The following FAT3 variants were observed in gnomAD, a reference collection of about 807,000 sequenced individuals.
FAT3 encodes the protein FAT atypical cadherin 3, also known as protocadherin Fat 3.
FAT3 carries 95 observed loss-of-function variants against 310.2 expected under a neutral mutation model. The observed-to-expected ratio is 0.31, with a 90% CI of 0.26 to 0.36. The LOEUF is 0.36. FAT3 is among the 10% of genes least tolerant of loss of function. FAT3 has a pLI of 1.00. For synonymous variants in FAT3, 2,314 were observed against 2,192.9 expected, an observed-to-expected ratio of 1.06 and a Z score of -1.54; for missense variants, 5,408 against 5,715.6, an observed-to-expected ratio of 0.95 and a Z score of 1.74.
At chr11:92,885,623 G>C (rs898985520) in intron 24 of FAT3, among the ~76,000 whole-genome samples, 5 of 152,100 alleles carry the variant, frequency 3.3e-5, no homozygotes, top group Non-Finnish European at 7.4e-5. Flanking sequence ...TGTTGAGTTA[G>C]ACTCCACTAT....
chr11:92,695,481 G>A (rs941891842), intron 3 of FAT3, among the ~76,000 whole-genome samples: 1 of 151,976 alleles, frequency 6.6e-6, no homozygotes, highest in Admixed American at 6.6e-5. Context: ...CATTCACACA[G>A]AGGAACTCTG....
At chr11:92,582,152 G>A (rs191261378) in intron 3 of FAT3, among the ~76,000 whole-genome samples, 240 of 151,982 alleles carry the variant, frequency 1.6e-3, no homozygotes, top group African/African-American at 5.1e-3. Flanking sequence ...AGGACAACTA[G>A]AGGTCACTCT....
At chr11:92,383,565 T>C (rs905028389) in intron 2 of FAT3, among the ~76,000 whole-genome samples, 3 of 152,236 alleles carry the variant, frequency 2.0e-5, no homozygotes, top group Non-Finnish European at 4.4e-5. Context: ...AGGAAAAATG[T>C]TGATGGATAC....
Position 92,381,501 on chromosome 11 carries a change from G to A in FAT3, c.3292+26097G>A, listed in dbSNP as rs1366977166. 2.0e-5 allele frequency among the ~76,000 whole-genome samples: 3 copies of A among 152,256 alleles called. No individual in the cohort carries two copies. The South Asian group carries it at 6.2e-4, about 32-fold the overall frequency. ...GCACTCTAGCCTGGGTGACAAGAGT[G>A]AAATCTTTTTTCACCACTTTTTTTT... On this transcript the variant is annotated intron_variant, in intron 2 of 27. Coordinates refer to ENST00000525166, the MANE Select transcript of FAT3 (RefSeq NM_001367949.2).
chr11:92,338,953 T>G lies in FAT3; in HGVS notation c.-17-13143T>G, dbSNP rs544828420. On this transcript the variant is annotated intron_variant, in intron 1 of 27. Transcript: ENST00000525166. ...GTGGAAGGGAACCCAGTTTCTAACC[T>G]CAGCCATGCAGAGCTGACCTTGCAT... 1.3e-5 allele frequency among the ~76,000 whole-genome samples: 2 copies of G among 152,234 alleles called. 1 individual carries two copies. The highest frequency in any genetic ancestry group is 4.2e-4 in the South Asian group (2 of 4,810).
chr11:92,782,016 T>A (rs1001328251), intron 7 of FAT3, among the ~76,000 whole-genome samples: 1 of 152,140 alleles, frequency 6.6e-6, no homozygotes, highest in South Asian at 2.1e-4. Context: ...TTTAGACTTA[T>A]AAGGATAGGA....
rs140038450 is a variant in FAT3, at chr11:92,858,465, T to C, written c.11501-700T>C. 2.0e-5 allele frequency among the ~76,000 whole-genome samples: 3 copies of C among 152,310 alleles called. No individual in the cohort carries two copies. The East Asian group carries it at 5.8e-4, about 29-fold the overall frequency. On this transcript the variant is annotated intron_variant, in intron 20 of 27. Coordinates refer to ENST00000525166, the MANE Select transcript of FAT3 (RefSeq NM_001367949.2). ...CTATAATTATTGTCCATTTGGTATA[T>C]TTCCACATATTCCACCTTTCCCCCC...
rs193177834 is a variant in FAT3, at chr11:92,248,334, C to T, written c.-18+23160C>T. Among the ~76,000 whole-genome samples, 5 of 152,190 alleles carry T rather than the reference C, an allele frequency of 3.3e-5. No individual in the cohort carries two copies. In the East Asian group the frequency reaches 9.7e-4, roughly 29 times the overall value. On this transcript the variant is annotated intron_variant, in intron 1 of 27. Transcript: ENST00000525166. Reference sequence around the variant, plus strand: ...TTTTAGTATTTGAATCAACACATCTCACACTAGATTTCATGTCTCATACAG... The same window carrying T: ...TTTTAGTATTTGAATCAACACATCTTACACTAGATTTCATGTCTCATACAG...
At chr11:92,612,805 A>G (rs1940627808) in intron 3 of FAT3, among the ~76,000 whole-genome samples, 1 of 152,174 alleles carries the variant, frequency 6.6e-6, no homozygotes, top group Non-Finnish European at 1.5e-5. Context: ...GGCATTCAGG[A>G]CAGGTCTGGA....
Position 92,232,858 on chromosome 11 carries a change from C to A in FAT3, c.-18+7684C>A, listed in dbSNP as rs533236897. 1.9e-4 allele frequency among the ~76,000 whole-genome samples: 29 copies of A among 152,146 alleles called. No homozygotes were observed. In the East Asian group the frequency reaches 5.4e-3, roughly 28 times the overall value. ...AGCAACTTAGAAGTAATTAGAGTAA[C>A]TTCCTCTTTATAACTACTAGCTTTA... On this transcript the variant is annotated intron_variant, in intron 1 of 27. Coordinates refer to ENST00000525166, the MANE Select transcript of FAT3 (RefSeq NM_001367949.2).
intron 12 of FAT3, among the ~76,000 whole-genome samples, chr11:92,808,468 C>G (rs1002598958): frequency 5.9e-5 from 9 of 152,144 alleles, no homozygotes; most frequent in Non-Finnish European, 8.8e-5. Flanking sequence ...ATGTCATATA[C>G]AAAAGTGGAG....
intron 10 of FAT3, among the ~76,000 whole-genome samples, chr11:92,802,294 A>C (rs180853914): frequency 3.2e-4 from 49 of 152,296 alleles, no homozygotes; most frequent in South Asian, 1.0e-3. Flanking sequence ...GAGCAAAACA[A>C]ATAGCTTGAT....
At chr11:92,292,537 G>T (rs1383517014) in intron 1 of FAT3, among the ~76,000 whole-genome samples, 1 of 152,044 alleles carries the variant, frequency 6.6e-6, no homozygotes, top group East Asian at 1.9e-4. Context: ...ACAGAATGAG[G>T]ATGCTACAGT....
chr11:92,292,369 T>G lies in FAT3; in HGVS notation c.-17-59727T>G, dbSNP rs570620108. On this transcript the variant is annotated intron_variant, in intron 1 of 27. Transcript: ENST00000525166. ...CCAGAACTGTATTTTTCCTCAAATT[T>G]TAATGTACCTCCAGAGTAGTTTCAA... Among the ~76,000 whole-genome samples the G allele has an allele frequency of 3.3e-5, 5 of 152,158 alleles. No individual in the cohort carries two copies. In the South Asian group the frequency reaches 1.0e-3, roughly 32 times the overall value.
In FAT3 at chr11:92,806,744, G is replaced by GC. The variant is rs1336570891; in HGVS notation, c.9247+233dup. Reference sequence around the variant, plus strand: ...TACTTATGTGAACGTGGGTAACACAGCCCCAAAAATAAGAGACCCAAAGAA... The same window carrying GC: ...TACTTATGTGAACGTGGGTAACACAGCCCCCAAAAATAAGAGACCCAAAGAA... On this transcript the variant is annotated intron_variant, in intron 12 of 27. Coordinates refer to ENST00000525166, the MANE Select transcript of FAT3 (RefSeq NM_001367949.2). Among the ~76,000 whole-genome samples, 3 of 152,208 alleles carry GC rather than the reference G, an allele frequency of 2.0e-5. No homozygotes were observed. The South Asian group carries it at 6.2e-4, about 31-fold the overall frequency.
chr11:92,592,314 T>C (rs906387514), intron 3 of FAT3, among the ~76,000 whole-genome samples: 1 of 121,322 alleles, frequency 8.2e-6, no homozygotes, highest in African/African-American at 3.2e-5. Flanking sequence ...AATCTCCTAA[T>C]TGTCTTTTTT....
At position 92,381,160 on chromosome 11, in the gene FAT3, A is replaced by G. The variant is rs539020273; in HGVS notation, c.3292+25756A>G. Among the ~76,000 whole-genome samples the G allele has an allele frequency of 5.4e-4, 82 of 152,318 alleles. 1 individual carries two copies. Among genetic ancestry groups the G allele is most frequent in the Admixed American group, 4.3e-3 (65 of 15,294 alleles). On this transcript the variant is annotated intron_variant, in intron 2 of 27. Coordinates refer to ENST00000525166, the MANE Select transcript of FAT3 (RefSeq NM_001367949.2). Reference sequence around the variant, plus strand: ...TTTATCCAATGACTCATTTATCCAGATGTTAAAAGAGAAAGTAAGAACTTA... The same window carrying G: ...TTTATCCAATGACTCATTTATCCAGGTGTTAAAAGAGAAAGTAAGAACTTA...
intron 1 of FAT3, among the ~76,000 whole-genome samples, chr11:92,346,717 G>A (rs1397331726): frequency 6.6e-6 from 1 of 152,158 alleles, no homozygotes; most frequent in East Asian, 1.9e-4. Flanking sequence ...GAGATTTAAT[G>A]AAGCTTTCAA....
At chr11:92,842,331 T>C (rs1948574214) in intron 18 of FAT3, among the ~76,000 whole-genome samples, 1 of 152,202 alleles carries the variant, frequency 6.6e-6, no homozygotes, top group Non-Finnish European at 1.5e-5. Flanking sequence ...TGGCCACAGG[T>C]CCATTCCTCT....
Sources: allele counts gnomAD v4.1 joint callset (sites outside exome capture counted in the v4.1 genomes callset), GRCh38; gene constraint gnomAD v4.1.1; transcripts MANE v1.5; gene names NCBI Gene and HGNC (gene_info 2026-07-23, HGNC 2026-07-21).